Variants in ZNF614 observed in about 807,000 individuals in gnomAD.
ZNF614 encodes the protein zinc finger protein 614.
ZNF614 carries 11 observed loss-of-function variants against 12.8 expected under a neutral mutation model. That is an observed-to-expected ratio of 0.86 (90% CI 0.54 to 1.43). ZNF614 has a LOEUF of 1.43. Among genes scored for constraint, ZNF614 ranks in the 40% most tolerant of loss-of-function variants. ZNF614 has a pLI of 0.00. For missense variants in ZNF614, 664 were observed against 708.8 expected (o/e 0.94, Z 0.72); for synonymous variants, 237 against 237.5 (o/e 1.00, Z 0.02).
At chr19:52,018,558 T>C in intron 2 of ZNF614, 64 bp from the exon 3 acceptor site, 1 of 1,494,752 alleles carries the variant, frequency 6.7e-7, no homozygotes, top group Non-Finnish European at 9.0e-7. Flanking sequence ...AAGTATAAGA[T>C]AATTTTTTAA....
intron 2 of ZNF614, 137 bp from the exon 3 acceptor site, chr19:52,018,631 A>G (rs1425904492): frequency 1.2e-6 from 1 of 846,748 alleles, no homozygotes; most frequent in African/African-American, 1.7e-5. Context: ...TAGGAGCAAA[A>G]TCCTCTATCT....
chr19:52,021,701 A>G (rs2086933939), intron 2 of ZNF614, among the ~76,000 whole-genome samples: 1 of 151,982 alleles, frequency 6.6e-6, no homozygotes, highest in African/African-American at 2.4e-5. Context: ...ACTGCACTCC[A>G]TCCTGGGGAA....
At chr19:52,024,195 G>C (rs1236195114) in intron 2 of ZNF614, among the ~76,000 whole-genome samples, 1 of 152,100 alleles carries the variant, frequency 6.6e-6, no homozygotes, top group Non-Finnish European at 1.5e-5. Context: ...CAGTAATCTA[G>C]TAAGTAAACT....
Position 52,015,001 on chromosome 19 carries a change from A to G in ZNF614, c.*839T>C, listed in dbSNP as rs2086887727. Reference sequence around the variant, plus strand: ...CCAAATGTATTTCTCATTATACCACAATTTTACACAACAGTAAAAATAAAC... The same window carrying G: ...CCAAATGTATTTCTCATTATACCACGATTTTACACAACAGTAAAAATAAAC... On this transcript the variant is annotated 3_prime_UTR_variant, in exon 5 of 5. Transcript: ENST00000270649. 6.6e-6 allele frequency: 1 copy of G among 152,212 alleles called. No homozygotes were observed. The highest frequency in any genetic ancestry group is 1.5e-5 in the Non-Finnish European group (1 of 68,028). The allele number at this position is 152,212 out of a possible 1,614,324, so 9.4% of individuals were successfully genotyped here. A position where few individuals can be genotyped will look rare whatever the true frequency, so the allele number is the denominator to read the frequency against.
At chr19:52,022,577 A>T (rs1324602321) in intron 2 of ZNF614, among the ~76,000 whole-genome samples, 1 of 150,742 alleles carries the variant, frequency 6.6e-6, no homozygotes, top group South Asian at 2.1e-4. Flanking sequence ...AAATTTTTAA[A>T]TTGGAGAATA....
At position 52,016,146 on chromosome 19, in the gene ZNF614, T is replaced by C. The variant is rs762724681; in HGVS notation, c.1452A>G (p.Val484=). ...ERCHTGKTPF[V]CTECGKSYSH... is the part of the protein sequence containing the mutation. ...AATAGGATTTTCCGCACTCGGTACA[T>C]ACAAAGGGAGTCTTTCCTGTATGAC... is the stretch of plus-strand genomic sequence containing the variant. The change falls in exon 5 of 5, where the codon GTA becomes GTG. Residue 484 remains valine, a synonymous_variant. Coordinates refer to ENST00000270649, the MANE Select transcript of ZNF614 (RefSeq NM_025040.4). The C allele has an allele frequency of 3.1e-6, 5 of 1,614,246 alleles. No individual in the cohort carries two copies. Among genetic ancestry groups the C allele is most frequent in the South Asian group, 1.1e-5 (1 of 91,084 alleles).
chr19:52,023,281 G>T (rs1221675678), intron 2 of ZNF614, among the ~76,000 whole-genome samples: 1 of 151,060 alleles, frequency 6.6e-6, no homozygotes, highest in Non-Finnish European at 1.5e-5. Flanking sequence ...GGATTCTCCT[G>T]CCTCAGCCTC....
chr19:52,023,232 G>A (rs971433584), intron 2 of ZNF614, among the ~76,000 whole-genome samples: 7 of 150,038 alleles, frequency 4.7e-5, no homozygotes, highest in African/African-American at 1.5e-4. Context: ...GCAGTGGCAC[G>A]ATCTCAGTTC....
Position 52,018,117 on chromosome 19 carries a change from A to G in ZNF614, c.143-14T>C. On this transcript the variant is annotated splice_polypyrimidine_tract_variant and intron_variant, in intron 3 of 4. Coordinates refer to ENST00000270649, the MANE Select transcript of ZNF614 (RefSeq NM_025040.4). ...TAGTTTGATACCCTGTTCATGAGGA[A>G]AGACAAACACAAACATCCTGAATTG... is the stretch of plus-strand genomic sequence containing the variant. 1 of 1,607,770 alleles carries G rather than the reference A, an allele frequency of 6.2e-7. No individual in the cohort carries two copies. Among genetic ancestry groups the G allele is most frequent in the South Asian group, 1.1e-5 (1 of 90,910 alleles).
At chr19:52,018,682 A>C (rs559788230) in intron 2 of ZNF614, among the ~76,000 whole-genome samples, 188 bp from the exon 3 acceptor site, 1 of 152,304 alleles carries the variant, frequency 6.6e-6, no homozygotes, top group South Asian at 2.1e-4. Flanking sequence ...AACGTAGGCA[A>C]ATGACATCAG....
At chr19:52,025,151 T>C (rs558160953) in intron 2 of ZNF614, among the ~76,000 whole-genome samples, 2 of 152,246 alleles carry the variant, frequency 1.3e-5, no homozygotes, top group East Asian at 3.9e-4. Context: ...AAAAAGTTGG[T>C]TGGCAGGCAC....
intron 2 of ZNF614, among the ~76,000 whole-genome samples, chr19:52,024,414 T>A (rs1198631035): frequency 2.6e-5 from 4 of 152,132 alleles, no homozygotes; most frequent in African/African-American, 9.7e-5. Flanking sequence ...GAGTAAATTT[T>A]AGAATACCTA....
chr19:52,017,116 C>G lies in ZNF614; in HGVS notation c.482G>C (p.Gly161Ala), dbSNP rs201502451. The G allele has an allele frequency of 2.4e-5, 39 of 1,614,038 alleles. No individual in the cohort carries two copies. The highest frequency in any genetic ancestry group is 1.6e-4 in the Middle Eastern group (1 of 6,084). Residue 161 changes from glycine to alanine, a missense_variant, in exon 5 of 5, where the codon GGT (glycine) becomes GCT (alanine). Transcript: ENST00000270649. ...GINNPVEFIG[G>A]EKTLLHGKHE... ...CTTACCATGTAGAAGTGTTTTCTCACCTCCAATAAACTCAACAGGGTTATT... is the reference window on the plus strand; with the variant it reads ...CTTACCATGTAGAAGTGTTTTCTCAGCTCCAATAAACTCAACAGGGTTATT...
Position 52,018,078 on chromosome 19 carries a change from T to C in ZNF614, c.168A>G (p.Val56=). Residue 56 remains valine, a synonymous_variant, in exon 4 of 5, where the codon GTA becomes GTG. Transcript: ENST00000270649. ...CTTGTCCATGTGCCAACTTGGAGAG[T>C]ACATCTGGTTTGCTAGTTTGATACC... ...SLGYQTSKPD[V]LSKLAHGQEP... is the part of the protein sequence containing the mutation. 6.2e-7 allele frequency: 1 copy of C among 1,614,092 alleles called. No homozygotes were observed. Among genetic ancestry groups the C allele is most frequent in the Non-Finnish European group, 8.5e-7 (1 of 1,179,978 alleles).
At position 52,016,454 on chromosome 19, in the gene ZNF614, C is replaced by A; in HGVS notation, c.1144G>T (p.Val382Leu). ...TGATGTACAATGAGATTGCTCTTCACGGTAAAGCCTTTTCCACATTCACTG... is the reference window on the plus strand; with the variant it reads ...TGATGTACAATGAGATTGCTCTTCAAGGTAAAGCCTTTTCCACATTCACTG... ...MCSECGKGFT[V>L]KSNLIVHQRS... Residue 382 changes from valine to leucine, a missense_variant, in exon 5 of 5, where the codon GTG becomes TTG. By Grantham distance (32) the Val-to-Leu change is conservative. Coordinates refer to ENST00000270649, the MANE Select transcript of ZNF614 (RefSeq NM_025040.4). 6.2e-7 allele frequency: 1 copy of A among 1,613,902 alleles called. No homozygotes were observed. Among genetic ancestry groups the A allele is most frequent in the East Asian group, 2.2e-5 (1 of 44,844 alleles).
chr19:52,023,173 A>AAT (rs2086943705), intron 2 of ZNF614, among the ~76,000 whole-genome samples: 1 of 141,480 alleles, frequency 7.1e-6, no homozygotes, highest in African/African-American at 2.6e-5. Context: ...AATAAATAAA[A>AAT]TTTTTTTTTT....
chr19:52,017,854 A>C (rs1331709274), intron 4 of ZNF614, among the ~76,000 whole-genome samples, 154 bp downstream of exon 4: 2 of 152,216 alleles, frequency 1.3e-5, no homozygotes, highest in African/African-American at 4.8e-5. Context: ...AAAAGTCTTT[A>C]AAGCTATAAC....
At chr19:52,020,525 C>T (rs2086926687) in intron 2 of ZNF614, among the ~76,000 whole-genome samples, 1 of 152,172 alleles carries the variant, frequency 6.6e-6, no homozygotes, top group Non-Finnish European at 1.5e-5. Context: ...ACTTGCCAGC[C>T]AGCGAGGCGC....
At position 52,025,860 on chromosome 19, in the gene ZNF614, A is replaced by C. The variant is rs1330106448; in HGVS notation, c.-115T>G. On this transcript the variant is annotated 5_prime_UTR_variant, in exon 2 of 5. Transcript: ENST00000270649. ...GTCAGAAATATTAGTGTCCACTTAA[A>C]GTTGTCCCCAGAAATTATGATATCC... 1.8e-5 allele frequency: 20 copies of C among 1,103,786 alleles called. No homozygotes were observed. Among genetic ancestry groups the C allele is most frequent in the Admixed American group, 1.1e-4 (5 of 45,376 alleles). 68.4% of individuals were successfully genotyped at this position (1,103,786 alleles called of 1,614,324 possible). A position where few individuals can be genotyped will look rare whatever the true frequency, so the allele number is the denominator to read the frequency against.
Sources: gnomAD v4.1 joint callset for allele counts (sites outside exome capture counted in the v4.1 genomes callset) on GRCh38, gnomAD v4.1.1 for gene constraint, MANE v1.5 for transcripts, NCBI Gene and HGNC (gene_info 2026-07-23, HGNC 2026-07-21) for gene names.